The following CHST5 variants were observed in gnomAD, a reference collection of about 807,000 sequenced individuals.
The protein encoded by CHST5 is GST4-alpha.
For synonymous variants in CHST5, 313 were observed against 279.2 expected (o/e 1.12, Z -1.21); for missense variants, 637 against 602.1 (o/e 1.06, Z -0.61).
intron 2 of CHST5, among the ~76,000 whole-genome samples, chr16:75,534,362 T>C (rs955019615): frequency 1.3e-5 from 2 of 151,164 alleles, no homozygotes; most frequent in Non-Finnish European, 2.9e-5. Flanking sequence ...AAACAAAAAT[T>C]TGGGCCCAGT....
chr16:75,534,038 C>CAAAA (rs35062691), intron 2 of CHST5, among the ~76,000 whole-genome samples: 10 of 81,208 alleles, frequency 1.2e-4, no homozygotes, highest in Admixed American at 4.3e-4. Flanking sequence ...AACTCCATAT[C>CAAAA]AAAAAAAAAA....
rs201945749 is a variant in CHST5 at position 75,530,226 on chromosome 16, G to C, written c.159C>G (p.Pro53=). The C allele has an allele frequency of 6.2e-7, 1 of 1,613,702 alleles. No homozygotes were observed. Among genetic ancestry groups the C allele is most frequent in the African/African-American group, 1.3e-5 (1 of 75,064 alleles). ...LLLFIISRPG[P]SSPAGGEDRV... is the part of the protein sequence containing the mutation. ...GATCCTCGCCGCCGGCTGGGGATGAGGGCCCTGGCCGGGAGATGATGAAGA... is the reference window on the plus strand; with the variant it reads ...GATCCTCGCCGCCGGCTGGGGATGACGGCCCTGGCCGGGAGATGATGAAGA... Residue 53 remains proline, a synonymous_variant, in exon 4 of 4, where the codon CCC becomes CCG. Transcript: ENST00000336257.
At position 75,530,527 on chromosome 16, in the gene CHST5, G is replaced by A. The variant is rs1002631865; in HGVS notation, c.-143C>T. 1 of 1,443,438 alleles carries A rather than the reference G, an allele frequency of 6.9e-7. No individual in the cohort carries two copies. The highest frequency in any genetic ancestry group is 9.1e-7 in the Non-Finnish European group (1 of 1,096,234). 89.4% of individuals were successfully genotyped at this position (1,443,438 alleles called of 1,614,324 possible). A position where few individuals can be genotyped will look rare whatever the true frequency, so the allele number is the denominator to read the frequency against. On this transcript the variant is annotated 5_prime_UTR_variant, in exon 4 of 4. Coordinates refer to ENST00000336257, the MANE Select transcript of CHST5 (RefSeq NM_024533.5). ...GAGTCAAGACATAGGCCAGAATATA[G>A]TCTGTGCTCACAGCAGAAGTCCAGT...
rs772144527 is a variant in CHST5, at chr16:75,530,839, T to C, written c.-455A>G. On this transcript the variant is annotated 5_prime_UTR_variant, in exon 4 of 4. Coordinates refer to ENST00000336257, the MANE Select transcript of CHST5 (RefSeq NM_024533.5). ...CTTATGAAGATCACTTAAATCTCTC[T>C]GTGACGGATCACTTTACCCGTGTGT... The C allele has an allele frequency of 4.0e-5, 40 of 1,000,720 alleles. No homozygotes were observed. Among genetic ancestry groups the C allele is most frequent in the Non-Finnish European group, 4.4e-5 (36 of 826,628 alleles). The allele number at this position is 1,000,720 out of a possible 1,614,324, so 62.0% of individuals were successfully genotyped here.
chr16:75,528,732 G>C lies in CHST5; in HGVS notation c.*417C>G, dbSNP rs1033200685. The C allele has an allele frequency of 1.9e-5, 3 of 160,782 alleles. No homozygotes were observed. Among genetic ancestry groups the C allele is most frequent in the African/African-American group, 7.2e-5 (3 of 41,534 alleles). 10.0% of individuals were successfully genotyped at this position (160,782 alleles called of 1,614,324 possible). ...CGGACTAATTTTTGCATTTTTAGTA[G>C]AGAGGGGGTTTCACTATGTTGGCCA... is the stretch of plus-strand genomic sequence containing the variant. On this transcript the variant is annotated 3_prime_UTR_variant, in exon 4 of 4. Transcript: ENST00000336257.
intron 2 of CHST5, among the ~76,000 whole-genome samples, chr16:75,534,238 G>A (rs2080545186): frequency 6.6e-6 from 1 of 152,008 alleles, no homozygotes; most frequent in Non-Finnish European, 1.5e-5. Flanking sequence ...TCGGGAGGCT[G>A]AGGCAGGAGA....
rs1371120469 is a variant in CHST5, at chr16:75,529,591, C to A, written c.794G>T (p.Arg265Leu). 2.5e-6 allele frequency: 4 copies of A among 1,610,152 alleles called. No homozygotes were observed. Among genetic ancestry groups the A allele is most frequent in the Non-Finnish European group, 3.4e-6 (4 of 1,178,876 alleles). ...VEADPHLRLI[R>L]EVCRSHVRIA... ...GCGCACGTGGCTGCGGCACACCTCG[C>A]GAATCAGGCGCAGGTGAGGGTCGGC... Residue 265 changes from arginine to leucine, a missense_variant, in exon 4 of 4, where the codon CGC becomes CTC. Physicochemically the swap from Arg to Leu is moderately radical, Grantham distance 102. Coordinates refer to ENST00000336257, the MANE Select transcript of CHST5 (RefSeq NM_024533.5).
chr16:75,530,480 C>A lies in CHST5; in HGVS notation c.-96G>T. On this transcript the variant is annotated 5_prime_UTR_variant, in exon 4 of 4. Transcript: ENST00000336257. ...TTCCCAAGACTCCCAAGGTCTCAGT[C>A]GAGCACTTTCCCAGGAATACGGAGT... 3 of 1,450,980 alleles carry A rather than the reference C, an allele frequency of 2.1e-6. No individual in the cohort carries two copies. The highest frequency in any genetic ancestry group is 1.5e-5 in the South Asian group (1 of 67,430). 89.9% of individuals were successfully genotyped at this position (1,450,980 alleles called of 1,614,324 possible). A position where few individuals can be genotyped will look rare whatever the true frequency, so the allele number is the denominator to read the frequency against.
In CHST5 at chr16:75,533,142, C is replaced by T. The variant is rs1395551974; in HGVS notation, c.-1310G>A. On this transcript the variant is annotated 5_prime_UTR_variant, in exon 3 of 4. Transcript: ENST00000336257. ...TTAAGGTGGTTGAATCACTCTATGC[C>T]ACACAGAGTCTCCAGAAGACCAGTT... 2.8e-6 allele frequency: 2 copies of T among 702,382 alleles called. No individual in the cohort carries two copies. The highest frequency in any genetic ancestry group is 2.0e-5 in the Admixed American group (1 of 50,008). 43.5% of individuals were successfully genotyped at this position (702,382 alleles called of 1,614,324 possible).
intron 2 of CHST5, among the ~76,000 whole-genome samples, chr16:75,533,444 G>T (rs1048020536): frequency 6.6e-6 from 1 of 152,212 alleles, no homozygotes; most frequent in African/African-American, 2.4e-5. Context: ...AGGGCCCTGT[G>T]GTGGGTCACA....
intron 2 of CHST5, among the ~76,000 whole-genome samples, chr16:75,534,260 C>A (rs990351927): frequency 6.6e-6 from 1 of 151,906 alleles, no homozygotes; most frequent in Non-Finnish European, 1.5e-5. Context: ...TCACTTGAAC[C>A]CAGGAGGTGG....
rs7206332 is a variant in CHST5, at chr16:75,529,454, C to A, written c.931G>T (p.Ala311Ser). 2 of 1,612,782 alleles carry A rather than the reference C, an allele frequency of 1.2e-6. No homozygotes were observed. Among genetic ancestry groups the A allele is most frequent in the African/African-American group, 2.7e-5 (2 of 75,030 alleles). Residue 311 changes from alanine (A) to serine (S), a missense_variant, in exon 4 of 4, where the codon GCC becomes TCC. Transcript: ENST00000336257. ...EPLAEIRALYAFTGLTLTPQL... is the reference protein window; with the variant it reads ...EPLAEIRALYSFTGLTLTPQL... ...GGCGTGAGGGTCAGGCCGGTGAAGG[C>A]GTAGAGTGCGCGGATCTCTGCCAGC...
chr16:75,532,976 GC>G, intron 3 of CHST5, 112 bp downstream of exon 3: 1 of 563,312 alleles, frequency 1.8e-6, no homozygotes, highest in Middle Eastern at 4.6e-4. Context: ...ACCTGTGATT[GC>G]CCCCTGCAGA....
rs997078458 is a variant in CHST5, at chr16:75,530,024, T to C, written c.361A>G (p.Ile121Val). 8.1e-6 allele frequency: 13 copies of C among 1,612,530 alleles called. No individual in the cohort carries two copies. Among genetic ancestry groups the C allele is most frequent in the African/African-American group, 1.3e-5 (1 of 75,018 alleles). Residue 121 changes from isoleucine (I) to valine (V), a missense_variant, in exon 4 of 4, where the codon ATC becomes GTC. Ile to Val is a conservative substitution (Grantham distance 29). Transcript: ENST00000336257. Reference sequence around the variant, plus strand: ...AACACGTCCATGTCGCACAAAAAGATAGAGCGCATCAGGTCGCGCACGGCC... The same window carrying C: ...AACACGTCCATGTCGCACAAAAAGACAGAGCGCATCAGGTCGCGCACGGCC... ...HMAVRDLMRS[I>V]FLCDMDVFDA...
chr16:75,532,516 T>C (rs183488279), intron 3 of CHST5, among the ~76,000 whole-genome samples: 1 of 152,244 alleles, frequency 6.6e-6, no homozygotes, highest in Admixed American at 6.5e-5. Flanking sequence ...GTCTAACTTG[T>C]GAGCAGATCT....
At chr16:75,535,065 C>G (rs1293922215) in intron 2 of CHST5, 62 bp downstream of exon 2, 1 of 152,380 alleles carries the variant, frequency 6.6e-6, no homozygotes, top group Admixed American at 6.5e-5. Flanking sequence ...GGGCCACTGG[C>G]CCGGCCCCCA....
In CHST5 at chr16:75,530,060, T is replaced by C. The variant is rs768676529; in HGVS notation, c.325A>G (p.Thr109Ala). The C allele has an allele frequency of 5.0e-6, 8 of 1,613,234 alleles. No homozygotes were observed. Among genetic ancestry groups the C allele is most frequent in the African/African-American group, 4.0e-5 (3 of 74,946 alleles). ...WTTLSQGSAA[T>A]LHMAVRDLMR... The stretch of plus-strand genomic sequence containing the variant: ...AGGTCGCGCACGGCCATGTGCAGCG[T>C]TGCCGCGCTGCCCTGCGACAGGGTG... Residue 109 changes from threonine (T) to alanine (A), a missense_variant, in exon 4 of 4, where the codon ACG becomes GCG. Physicochemically the swap from Thr to Ala is moderately conservative, Grantham distance 58 (BLOSUM62 0). Transcript: ENST00000336257.
Position 75,530,937 on chromosome 16 carries a change from G to C in CHST5, c.-553C>G. 1.0e-6 allele frequency: 1 copy of C among 1,003,058 alleles called. No homozygotes were observed. Among genetic ancestry groups the C allele is most frequent in the Non-Finnish European group, 1.2e-6 (1 of 832,104 alleles). The allele number at this position is 1,003,058 out of a possible 1,614,324, so 62.1% of individuals were successfully genotyped here. ...GGGGGGTTATTATAATGAAGATGGGGGAAGGGAACACGCAGTCATGCCCAT... is the reference window on the plus strand; with the variant it reads ...GGGGGGTTATTATAATGAAGATGGGCGAAGGGAACACGCAGTCATGCCCAT... On this transcript the variant is annotated 5_prime_UTR_variant, in exon 4 of 4. Transcript: ENST00000336257.
chr16:75,533,320 T>C, intron 2 of CHST5, 137 bp from the exon 3 acceptor site: 1 of 681,416 alleles, frequency 1.5e-6, no homozygotes, highest in Admixed American at 2.1e-5. Flanking sequence ...CCCTTGGAGG[T>C]AGAAATAACC....
Sources: gnomAD v4.1 joint callset for allele counts (sites outside exome capture counted in the v4.1 genomes callset) on GRCh38, gnomAD v4.1.1 for gene constraint, MANE v1.5 for transcripts, NCBI Gene and HGNC (gene_info 2026-07-23, HGNC 2026-07-21) for gene names.